The following LTBP1 variants were observed in gnomAD, a reference collection of about 807,000 sequenced individuals.
The protein encoded by LTBP1 is latent transforming growth factor beta binding protein 1.
LTBP1 carries 129 observed loss-of-function variants against 207.6 expected under a neutral mutation model. The observed-to-expected ratio is 0.62, with a 90% CI of 0.54 to 0.72. The LOEUF (loss-of-function observed/expected upper bound fraction) is 0.72. Ranked by LOEUF, LTBP1 falls within the 30% of genes least tolerant of loss-of-function variation. The probability of loss-of-function intolerance (pLI) is 0.00; values close to 1 mark genes in which losing one functional copy is unlikely to be tolerated. For synonymous variants in LTBP1, 963 were observed against 833.7 expected, an observed-to-expected ratio of 1.16 and a Z score of -2.67; for missense variants, 2,281 against 2,217.2, an observed-to-expected ratio of 1.03 and a Z score of -0.58.
intron 31 of LTBP1, among the ~76,000 whole-genome samples, chr2:33,381,452 G>A (rs112097616): frequency 1.3e-5 from 2 of 152,150 alleles, no homozygotes; most frequent in African/African-American, 4.8e-5. Context: ...TCTATGGCCC[G>A]TGAGTCTCCT....
chr2:33,253,551 A>G lies in LTBP1; in HGVS notation c.2167+707A>G, dbSNP rs78139344. ...GTAACCTGAAAGCGTTAGACCTGAT[A>G]TTAACAAGGAATGGCTTCAATGTCA... On this transcript the variant is annotated intron_variant, in intron 11 of 33. Coordinates refer to ENST00000404816, the MANE Select transcript of LTBP1 (RefSeq NM_206943.4). Among the ~76,000 whole-genome samples the G allele has an allele frequency of 3.5e-4, 54 of 152,308 alleles. No homozygotes were observed. In the East Asian group the frequency reaches 9.3e-3, roughly 26 times the overall value.
chr2:33,221,270 A>G (rs1165434565), intron 8 of LTBP1, among the ~76,000 whole-genome samples: 1 of 152,128 alleles, frequency 6.6e-6, no homozygotes, highest in Non-Finnish European at 1.5e-5. Flanking sequence ...GATGGGAATT[A>G]CCCTCATTGT....
At chr2:33,380,954 T>G (rs1049950995) in intron 31 of LTBP1, among the ~76,000 whole-genome samples, 2 of 152,236 alleles carry the variant, frequency 1.3e-5, no homozygotes, top group Non-Finnish European at 2.9e-5. Flanking sequence ...GTCAGATTGT[T>G]GCTTCAGAGT....
chr2:33,188,839 C>G lies in LTBP1; in HGVS notation c.1689C>G (p.Thr563=), dbSNP rs1479483624. The change falls in exon 7 of 34, where the codon ACC becomes ACG. Residue 563 remains threonine, a synonymous_variant. Coordinates refer to ENST00000404816, the MANE Select transcript of LTBP1 (RefSeq NM_206943.4). ...KTQLGRCFQE[T]IGSQCGKALP... ...AGCTTGGCCGGTGCTTCCAGGAAAC[C>G]ATTGGGTCACAGGTAAACATCATCA... 3.7e-6 allele frequency: 6 copies of G among 1,613,992 alleles called. No homozygotes were observed. In the Admixed American group the frequency reaches 1.0e-4, roughly 27 times the overall value.
intron 3 of LTBP1, among the ~76,000 whole-genome samples, chr2:33,038,303 G>C (rs2076022943): frequency 6.6e-6 from 1 of 152,242 alleles, no homozygotes; most frequent in Non-Finnish European, 1.5e-5. Context: ...CAGCAGTGCA[G>C]TGTTTGGTTT....
chr2:33,293,180 C>T lies in LTBP1; in HGVS notation c.3133C>T (p.Pro1045Ser), dbSNP rs1419906563. ...QCLDVDECLE[P>S]NVCANGDCSN... is the part of the protein sequence containing the mutation. ...TCAAGATGTGGACGAGTGCCTGGAA[C>T]CAAACGTCTGCGCAAATGGTGATTG... The change falls in exon 20 of 34, where the codon CCA (proline) becomes TCA (serine). Residue 1045 changes from proline (P) to serine (S), a missense_variant. Transcript: ENST00000404816. The T allele has an allele frequency of 6.2e-7, 1 of 1,613,936 alleles. No individual in the cohort carries two copies. Among genetic ancestry groups the T allele is most frequent in the South Asian group, 1.1e-5 (1 of 91,022 alleles).
chr2:33,360,324 C>T (rs1335990026), intron 26 of LTBP1, among the ~76,000 whole-genome samples: 2 of 152,136 alleles, frequency 1.3e-5, no homozygotes, highest in Non-Finnish European at 2.9e-5. Flanking sequence ...CTACTCACAG[C>T]CAAATCTGCA....
rs1041253206 is a variant in LTBP1 at position 33,342,953 on chromosome 2, A to G, written c.3846A>G (p.Gln1282=). The part of the protein sequence containing the change: ...YQGFQAPQDG[Q]GCVDVNECEL... Reference sequence around the variant, plus strand: ...GCTTTCAAGCCCCACAGGATGGGCAAGGGTGTGTGGGTGAGTTTTTAGATT... The same window carrying G: ...GCTTTCAAGCCCCACAGGATGGGCAGGGGTGTGTGGGTGAGTTTTTAGATT... Residue 1282 remains glutamine, a synonymous_variant, in exon 25 of 34, where the codon CAA becomes CAG. Transcript: ENST00000404816. The G allele has an allele frequency of 4.3e-6, 7 of 1,613,306 alleles. No homozygotes were observed. The highest frequency in any genetic ancestry group is 5.9e-6 in the Non-Finnish European group (7 of 1,179,472).
chr2:32,975,861 C>T (rs901341500), intron 2 of LTBP1, among the ~76,000 whole-genome samples: 5 of 151,994 alleles, frequency 3.3e-5, no homozygotes, highest in South Asian at 2.1e-4. Context: ...TGAATCTCCA[C>T]GATCTTTGTT....
At chr2:33,083,873 G>A (rs1017069917) in intron 3 of LTBP1, among the ~76,000 whole-genome samples, 3 of 152,254 alleles carry the variant, frequency 2.0e-5, no homozygotes, top group African/African-American at 2.4e-5. Flanking sequence ...ACCACCTGAC[G>A]CACTGTCAAA....
At chr2:33,224,730 T>C (rs1488276331) in intron 9 of LTBP1, among the ~76,000 whole-genome samples, 1 of 152,142 alleles carries the variant, frequency 6.6e-6, no homozygotes, top group East Asian at 1.9e-4. Flanking sequence ...TTTCCTAATA[T>C]CCTCTTTTCT....
chr2:32,961,815 G>T (rs1679160573), intron 2 of LTBP1, among the ~76,000 whole-genome samples: 4 of 152,020 alleles, frequency 2.6e-5, no homozygotes. Flanking sequence ...GCGTGGTGGT[G>T]GGCGCCGGTA....
chr2:33,370,267 G>A (rs2095050937), intron 31 of LTBP1, among the ~76,000 whole-genome samples: 1 of 152,216 alleles, frequency 6.6e-6, no homozygotes, highest in Non-Finnish European at 1.5e-5. Flanking sequence ...AAAATCTACA[G>A]TTACCTAATA....
At chr2:33,133,577 C>A (rs567686684) in intron 4 of LTBP1, among the ~76,000 whole-genome samples, 1 of 152,310 alleles carries the variant, frequency 6.6e-6, no homozygotes, top group Non-Finnish European at 1.5e-5. Flanking sequence ...AGGTTGCGAT[C>A]CAGCAGTGAA....
intron 2 of LTBP1, among the ~76,000 whole-genome samples, chr2:33,010,663 TAAAA>T (rs961130783): frequency 4.2e-4 from 64 of 151,678 alleles, no homozygotes; most frequent in African/African-American, 1.5e-3. Context: ...ATGTATCAAT[TAAAA>T]AAAGTTTTTG....
intron 24 of LTBP1, among the ~76,000 whole-genome samples, chr2:33,338,110 G>A (rs1443802373): frequency 6.6e-6 from 1 of 152,188 alleles, no homozygotes; most frequent in East Asian, 1.9e-4. Context: ...ACATGAAACT[G>A]CTGAGAATTA....
intron 24 of LTBP1, among the ~76,000 whole-genome samples, chr2:33,318,229 A>G (rs888834709): frequency 9.2e-5 from 14 of 152,194 alleles, no homozygotes; most frequent in African/African-American, 3.4e-4. Flanking sequence ...ACTCTGGGAT[A>G]GATAGCTGGG....
chr2:33,260,839 G>A lies in LTBP1; in HGVS notation c.2418+1229G>A, dbSNP rs906882397. 5.9e-5 allele frequency among the ~76,000 whole-genome samples: 9 copies of A among 152,148 alleles called. No individual in the cohort carries two copies. In the East Asian group the frequency reaches 1.7e-3, roughly 29 times the overall value. On this transcript the variant is annotated intron_variant, in intron 13 of 33. Coordinates refer to ENST00000404816, the MANE Select transcript of LTBP1 (RefSeq NM_206943.4). ...GCCAGCATCCTGGCAGCCTCATCAC[G>A]ACTCAGTTCTTCTGTCTTTATGATT... is the stretch of plus-strand genomic sequence containing the variant.
At chr2:33,330,089 G>A (rs1268518683) in intron 24 of LTBP1, among the ~76,000 whole-genome samples, 1 of 151,960 alleles carries the variant, frequency 6.6e-6, no homozygotes, top group Admixed American at 6.6e-5. Context: ...GTCTTTCACA[G>A]CTTATTTAAG....
Sources: gnomAD v4.1 joint callset for allele counts (sites outside exome capture counted in the v4.1 genomes callset) on GRCh38, gnomAD v4.1.1 for gene constraint, MANE v1.5 for transcripts, NCBI Gene and HGNC (gene_info 2026-07-23, HGNC 2026-07-21) for gene names.